SUSD6: variants seen among roughly 807,000 people sequenced by gnomAD.
The protein encoded by SUSD6 is sushi domain containing 6, also known as sushi domain-containing protein 6.
In SUSD6, 16 loss-of-function variants were observed where a neutral mutation model predicts 28.4. That is an observed-to-expected ratio of 0.56 (90% CI 0.38 to 0.86). The LOEUF is 0.86. Ranked by LOEUF, SUSD6 falls within the 40% of genes least tolerant of loss-of-function variation. SUSD6 has a pLI of 0.00. For missense variants in SUSD6, 341 were observed against 384.2 expected (o/e 0.89, Z 0.94); for synonymous variants, 147 against 159.6 (o/e 0.92, Z 0.59).
intron 2 of SUSD6, among the ~76,000 whole-genome samples, chr14:69,684,980 T>A (rs908549889): frequency 2.0e-5 from 3 of 152,256 alleles, no homozygotes; most frequent in Non-Finnish European, 4.4e-5. Context: ...GTTATCACTT[T>A]GTTAGGGCTG....
At chr14:69,627,782 A>T (rs955028493) in intron 1 of SUSD6, among the ~76,000 whole-genome samples, 1 of 152,054 alleles carries the variant, frequency 6.6e-6, no homozygotes, top group African/African-American at 2.4e-5. Flanking sequence ...ATTTCTAGTA[A>T]AAGTGGCAGA....
intron 1 of SUSD6, among the ~76,000 whole-genome samples, chr14:69,631,132 G>A (rs191748711): frequency 1.8e-4 from 28 of 152,332 alleles, no homozygotes; most frequent in African/African-American, 6.7e-4. Flanking sequence ...GTATGCTTTA[G>A]CATCACCTGG....
Position 69,692,489 on chromosome 14 carries a change from G to T in SUSD6, c.122-10906G>T, listed in dbSNP as rs531091673. Among the ~76,000 whole-genome samples, 8 of 152,250 alleles carry T rather than the reference G, an allele frequency of 5.3e-5. No homozygotes were observed. The South Asian group carries it at 1.7e-3, about 32-fold the overall frequency. ...ATTTTTCAGAGCCTCAGTTTTTTCTGAACAAATCAAGTTTTATACCACCTT... is the reference window on the plus strand; with the variant it reads ...ATTTTTCAGAGCCTCAGTTTTTTCTTAACAAATCAAGTTTTATACCACCTT... On this transcript the variant is annotated intron_variant, in intron 2 of 5. Coordinates refer to ENST00000342745, the MANE Select transcript of SUSD6 (RefSeq NM_014734.4).
chr14:69,681,952 A>G (rs1886003225), intron 2 of SUSD6, among the ~76,000 whole-genome samples: 1 of 152,196 alleles, frequency 6.6e-6, no homozygotes, highest in South Asian at 2.1e-4. Context: ...TGCATCAGAG[A>G]GAAGTTTCTT....
intron 1 of SUSD6, among the ~76,000 whole-genome samples, chr14:69,651,255 G>C (rs1595042336): frequency 6.6e-6 from 1 of 152,320 alleles, no homozygotes; most frequent in East Asian, 1.9e-4. Context: ...TTAAAGAGAA[G>C]ACTTAGGTGG....
intron 2 of SUSD6, among the ~76,000 whole-genome samples, chr14:69,696,146 C>G (rs1886222323): frequency 2.0e-5 from 3 of 152,260 alleles, no homozygotes; most frequent in Admixed American, 2.0e-4. Context: ...CCTCAGCAGG[C>G]CCCGGCTTAA....
At chr14:69,671,200 A>G (rs1885826472) in intron 2 of SUSD6, among the ~76,000 whole-genome samples, 1 of 152,226 alleles carries the variant, frequency 6.6e-6, no homozygotes, top group Non-Finnish European at 1.5e-5. Flanking sequence ...CAAAGAGTTA[A>G]AGAAAAAACA....
rs1328286398 is a variant in SUSD6, at chr14:69,713,902, G to A, written c.*2923G>A. On this transcript the variant is annotated 3_prime_UTR_variant, in exon 6 of 6. Transcript: ENST00000342745. ...TGCAGGTTTAATATCCTGGTGACTT[G>A]CAGTCACATTCTAATGACTTTCAAG... 1 of 138,076 alleles carries A rather than the reference G, an allele frequency of 7.2e-6. No homozygotes were observed. The highest frequency in any genetic ancestry group is 1.5e-5 in the Non-Finnish European group (1 of 65,876). 8.6% of individuals were successfully genotyped at this position (138,076 alleles called of 1,614,324 possible).
chr14:69,669,923 T>C (rs1397560422), intron 2 of SUSD6, among the ~76,000 whole-genome samples: 1 of 152,194 alleles, frequency 6.6e-6, no homozygotes, highest in African/African-American at 2.4e-5. Flanking sequence ...TTGACTGACT[T>C]TGATTTGAAA....
chr14:69,646,947 C>T (rs1380321910), intron 1 of SUSD6, among the ~76,000 whole-genome samples: 1 of 152,108 alleles, frequency 6.6e-6, no homozygotes, highest in East Asian at 1.9e-4. Context: ...GTGATCCGCC[C>T]GCCTTGGCTT....
rs1451397510 is a variant in SUSD6 at position 69,704,658 on chromosome 14, C to T, written c.374C>T (p.Thr125Ile). Reference protein sequence around the residue: ...GVPTLSIVASTASSVALILLL... With the variant: ...GVPTLSIVASIASSVALILLL... Reference sequence around the variant, plus strand: ...CCCACGCTGTCTATAGTGGCTTCTACTGCCAGCTCCGTGGCGCTCATTCTC... The same window carrying T: ...CCCACGCTGTCTATAGTGGCTTCTATTGCCAGCTCCGTGGCGCTCATTCTC... The change falls in exon 4 of 6, where the codon ACT becomes ATT. Residue 125 changes from threonine (T) to isoleucine (I), a missense_variant. By Grantham distance (89) the Thr-to-Ile change is moderately conservative (BLOSUM62 -1). Transcript: ENST00000342745. 1 of 1,614,062 alleles carries T rather than the reference C, an allele frequency of 6.2e-7. No individual in the cohort carries two copies. The highest frequency in any genetic ancestry group is 1.3e-5 in the African/African-American group (1 of 74,934).
chr14:69,695,668 T>C (rs1262181997), intron 2 of SUSD6, among the ~76,000 whole-genome samples: 2 of 152,162 alleles, frequency 1.3e-5, no homozygotes, highest in Non-Finnish European at 2.9e-5. Flanking sequence ...GAATACAGCC[T>C]TCTGGGGTTC....
chr14:69,674,076 T>C (rs527493062), intron 2 of SUSD6, among the ~76,000 whole-genome samples: 9 of 152,170 alleles, frequency 5.9e-5, no homozygotes, highest in Non-Finnish European at 1.2e-4. Flanking sequence ...AGTTTGGGAA[T>C]TGGAGAGAAT....
At chr14:69,656,013 C>T (rs1885576828) in intron 1 of SUSD6, among the ~76,000 whole-genome samples, 1 of 152,058 alleles carries the variant, frequency 6.6e-6, no homozygotes, top group Admixed American at 6.6e-5. Context: ...CTGCCTCCAG[C>T]CTCTGCCAGG....
In SUSD6 at chr14:69,711,104, TG is replaced by T; in HGVS notation, c.*126del. ...ATACCTGAGCTGCCACCTGTGTATC[TG>T]TGTATCTCTGAGGGCCCTATAGGCC... On this transcript the variant is annotated 3_prime_UTR_variant, in exon 6 of 6. Transcript: ENST00000342745. 1.1e-6 allele frequency: 1 copy of T among 945,930 alleles called. No individual in the cohort carries two copies. The highest frequency in any genetic ancestry group is 1.4e-5 in the South Asian group (1 of 72,752). 58.6% of individuals were successfully genotyped at this position (945,930 alleles called of 1,614,324 possible).
intron 1 of SUSD6, among the ~76,000 whole-genome samples, chr14:69,650,641 T>TC (rs1157287825): frequency 1.3e-5 from 2 of 152,164 alleles, no homozygotes; most frequent in Non-Finnish European, 2.9e-5. Flanking sequence ...CTTTGCCTCC[T>TC]CCCCCCTCTT....
intron 1 of SUSD6, among the ~76,000 whole-genome samples, chr14:69,635,443 A>C (rs1316278428): frequency 6.6e-6 from 1 of 152,244 alleles, no homozygotes; most frequent in Non-Finnish European, 1.5e-5. Flanking sequence ...TGTTTTAAAA[A>C]GCAGGGAGAG....
intron 1 of SUSD6, among the ~76,000 whole-genome samples, chr14:69,647,177 G>C (rs370959339): frequency 2.0e-5 from 3 of 152,290 alleles, no homozygotes; most frequent in East Asian, 3.9e-4. Flanking sequence ...GAAGCTGAAT[G>C]CTCCTGGTTA....
intron 2 of SUSD6, among the ~76,000 whole-genome samples, chr14:69,665,427 T>G (rs974479957): frequency 2.0e-5 from 3 of 152,196 alleles, no homozygotes; most frequent in African/African-American, 7.2e-5. Context: ...TTTTTAAAAA[T>G]ATTTTTGTAG....
Sources: allele counts gnomAD v4.1 joint callset (sites outside exome capture counted in the v4.1 genomes callset), GRCh38; gene constraint gnomAD v4.1.1; transcripts MANE v1.5; gene names NCBI Gene and HGNC (gene_info 2026-07-23, HGNC 2026-07-21).